BICD1: variants seen among roughly 807,000 people sequenced by gnomAD.
BICD1 encodes the protein BICD cargo adaptor 1.
In BICD1, 35 loss-of-function variants were observed where a neutral mutation model predicts 92.5. The ratio of observed to expected loss-of-function variants is 0.38; its 90% CI spans 0.29 to 0.50. BICD1 has a LOEUF of 0.50. BICD1 is among the 20% of genes least tolerant of loss of function. BICD1 has a pLI of 0.93. For synonymous variants in BICD1, 429 were observed against 465.1 expected (o/e 0.92, Z 1.00); for missense variants, 950 against 1,189.8 (o/e 0.80, Z 2.97).
chr12:32,368,951 T>C (rs1398897972), intron 9 of BICD1, among the ~76,000 whole-genome samples: 1 of 152,136 alleles, frequency 6.6e-6, no homozygotes, highest in Admixed American at 6.5e-5. Context: ...ATAGAACAGC[T>C]GTATAAAAGT....
chr12:32,175,315 G>A (rs922039159), intron 1 of BICD1, among the ~76,000 whole-genome samples: 2 of 151,948 alleles, frequency 1.3e-5, no homozygotes, highest in Non-Finnish European at 2.9e-5. Flanking sequence ...CACATACTAA[G>A]CTTTTTTTCT....
rs1288107118 is a variant in BICD1, at chr12:32,106,862, C to G, written c.-470C>G. On this transcript the variant is annotated 5_prime_UTR_variant, in exon 1 of 10. Transcript: ENST00000652176. ...CCGAGACTGCATCATTCCGCACCGG[C>G]TGCTGCAGGGCCAGAGGGAGCAGGT... is the stretch of plus-strand genomic sequence containing the variant. 1 of 158,162 alleles carries G rather than the reference C, an allele frequency of 6.3e-6. No individual in the cohort carries two copies. The highest frequency in any genetic ancestry group is 1.9e-4 in the East Asian group (1 of 5,222). 9.8% of individuals were successfully genotyped at this position (158,162 alleles called of 1,614,324 possible).
At chr12:32,254,160 C>A (rs1025821526) in intron 2 of BICD1, among the ~76,000 whole-genome samples, 1 of 146,456 alleles carries the variant, frequency 6.8e-6, no homozygotes, top group Non-Finnish European at 1.5e-5. Context: ...ATAATCACTG[C>A]CCATATCCCA....
intron 6 of BICD1, among the ~76,000 whole-genome samples, chr12:32,335,613 C>G (rs1938082077): frequency 7.0e-6 from 1 of 143,040 alleles, no homozygotes; most frequent in African/African-American, 2.6e-5. Context: ...TAGGGTCTCA[C>G]TCTGTCACCC....
intron 5 of BICD1, chr12:32,332,857 T>G (rs1937937419): frequency 5.1e-6 from 5 of 985,222 alleles, no homozygotes; most frequent in South Asian, 4.7e-5. Context: ...TGGCTGGAAA[T>G]AAGACTTTTT....
At chr12:32,162,647 T>G (rs543089257) in intron 1 of BICD1, among the ~76,000 whole-genome samples, 1 of 152,286 alleles carries the variant, frequency 6.6e-6, no homozygotes, top group South Asian at 2.1e-4. Context: ...ATTCTTCAAA[T>G]TTTTGTTTTC....
chr12:32,346,616 G>GTATA (rs1260180834), intron 8 of BICD1, among the ~76,000 whole-genome samples: 313 of 2,812 alleles, frequency 0.11, 66 homozygotes, highest in Non-Finnish European at 0.23. Flanking sequence ...ATATATACGT[G>GTATA]TATATATATA....
At position 32,313,107 on chromosome 12, in the gene BICD1, C is replaced by G. The variant is rs183602256; in HGVS notation, c.1005+6985C>G. Among the ~76,000 whole-genome samples the G allele has an allele frequency of 1.7e-5, 2 of 119,334 alleles. No homozygotes were observed. The highest frequency in any genetic ancestry group is 2.6e-4 in the South Asian group (1 of 3,776). 78.3% of individuals were successfully genotyped at this position (119,334 alleles called of 152,430 possible). On this transcript the variant is annotated intron_variant, in intron 4 of 9. Coordinates refer to ENST00000652176, the MANE Select transcript of BICD1 (RefSeq NM_001714.4). The surrounding 1 kb of genome is among the most constrained non-coding windows in gnomAD (Gnocchi z 4.2). ...TAGAGTCAAACTAAGCAGGGGAAAA[C>G]TCTTTGGATTTTTTTTTTCAGTATT...
chr12:32,305,929 A>G lies in BICD1; in HGVS notation c.812A>G (p.Lys271Arg), dbSNP rs145831771. 2.5e-6 allele frequency: 4 copies of G among 1,614,180 alleles called. No homozygotes were observed. The highest frequency in any genetic ancestry group is 1.6e-4 in the Middle Eastern group (1 of 6,062). ...ATCAGCATCTCAGTAGATGGACTCAAATTTGCCGAGGATGGGAGTGAACCA... is the reference window on the plus strand; with the variant it reads ...ATCAGCATCTCAGTAGATGGACTCAGATTTGCCGAGGATGGGAGTGAACCA... Reference protein sequence around the residue: ...NHISISVDGLKFAEDGSEPNN... With the variant: ...NHISISVDGLRFAEDGSEPNN... The change falls in exon 4 of 10, where the codon AAA (lysine) becomes AGA (arginine). Residue 271 changes from lysine (K) to arginine (R), a missense_variant. Lys to Arg is a conservative substitution (Grantham distance 26). Around this residue, in one of 5 missense-constraint regions of BICD1, gnomAD observed 246 missense variants for 258.4 expected, o/e 0.95. Transcript: ENST00000652176.
At chr12:32,162,880 G>A (rs966124599) in intron 1 of BICD1, among the ~76,000 whole-genome samples, 5 of 152,144 alleles carry the variant, frequency 3.3e-5, no homozygotes, top group African/African-American at 4.8e-5. Context: ...CAGCTACTCA[G>A]GAGGCTGAGG....
chr12:32,169,494 G>A (rs1190316298), intron 1 of BICD1, among the ~76,000 whole-genome samples: 3 of 151,914 alleles, frequency 2.0e-5, no homozygotes, highest in Non-Finnish European at 4.4e-5. Context: ...GCCCAGGCTG[G>A]TCTCAGACTC....
intron 8 of BICD1, among the ~76,000 whole-genome samples, chr12:32,342,560 T>TA (rs1256690168): frequency 3.3e-5 from 5 of 152,044 alleles, no homozygotes; most frequent in African/African-American, 1.2e-4. Context: ...CTAAAATATA[T>TA]TTTTAGTACA....
rs761183677 is a variant in BICD1 at position 32,328,260 on chromosome 12, C to G, written c.1805C>G (p.Pro602Arg). The change falls in exon 5 of 10, where the codon CCT becomes CGT. Residue 602 changes from proline (P) to arginine (R), a missense_variant. By Grantham distance (103) the Pro-to-Arg change is moderately radical (BLOSUM62 -2). Coordinates refer to ENST00000652176, the MANE Select transcript of BICD1 (RefSeq NM_001714.4). The surrounding 1 kb of genome is among the most constrained non-coding windows in gnomAD (Gnocchi z 4.4). The part of the protein sequence containing the change: ...PSPTKTPTIS[P>R]VITAPPSSPV... ...CCAACTAAGACCCCCACAATCTCTC[C>G]TGTTATTACTGCCCCACCGTCATCT... 6.2e-7 allele frequency: 1 copy of G among 1,614,202 alleles called. No homozygotes were observed. Among genetic ancestry groups the G allele is most frequent in the Admixed American group, 1.7e-5 (1 of 60,032 alleles).
At chr12:32,281,851 G>A (rs997989793) in intron 2 of BICD1, among the ~76,000 whole-genome samples, 3 of 152,140 alleles carry the variant, frequency 2.0e-5, no homozygotes, top group Non-Finnish European at 2.9e-5. Context: ...AGACTGAGCT[G>A]TGGAATACAA....
At chr12:32,310,819 TACA>T in intron 4 of BICD1, among the ~76,000 whole-genome samples, 1 of 152,248 alleles carries the variant, frequency 6.6e-6, no homozygotes, top group Non-Finnish European at 1.5e-5. Context: ...CATCATGTTG[TACA>T]TGATAAATAT....
intron 1 of BICD1, among the ~76,000 whole-genome samples, chr12:32,157,064 GTTA>G (rs1943460624): frequency 6.6e-6 from 1 of 152,040 alleles, no homozygotes; most frequent in Admixed American, 6.6e-5. Flanking sequence ...ACATGTGCTC[GTTA>G]TTATTTTTCT....
At chr12:32,177,793 A>G (rs1169377346) in intron 1 of BICD1, among the ~76,000 whole-genome samples, 1 of 73,314 alleles carries the variant, frequency 1.4e-5, no homozygotes, top group Non-Finnish European at 3.0e-5. Flanking sequence ...ATATTTATAA[A>G]AATATAAATA....
intron 9 of BICD1, among the ~76,000 whole-genome samples, chr12:32,369,358 C>T (rs139549478): frequency 3.9e-5 from 6 of 152,378 alleles, no homozygotes; most frequent in African/African-American, 1.4e-4. Flanking sequence ...CTCCTTATCA[C>T]AGCTGTTGCC....
chr12:32,317,966 G>C (rs2136238984), intron 4 of BICD1, among the ~76,000 whole-genome samples: 1 of 151,888 alleles, frequency 6.6e-6, no homozygotes, highest in South Asian at 2.1e-4. Context: ...TATTAAATAG[G>C]GAATCCTTTC....
Sources: gnomAD v4.1 joint callset for allele counts (sites outside exome capture counted in the v4.1 genomes callset) on GRCh38, gnomAD v4.1.1 for gene constraint, gnomAD v4.1.1 regional missense constraint, Gnocchi (gnomAD v3.1) non-coding constraint, MANE v1.5 for transcripts, NCBI Gene and HGNC (gene_info 2026-07-23, HGNC 2026-07-21) for gene names.